MAP3K11: variants seen among roughly 807,000 people sequenced by gnomAD.
MAP3K11 encodes the protein SH3 domain-containing proline-rich kinase.
In MAP3K11, 46 loss-of-function variants were observed where a neutral mutation model predicts 84.9. The ratio of observed to expected loss-of-function variants is 0.54; its 90% CI spans 0.43 to 0.69. The LOEUF is 0.69. Among genes scored for constraint, MAP3K11 ranks in the 30% least tolerant of loss-of-function variants. The pLI is 0.00. For missense variants in MAP3K11, 1,053 were observed against 1,198.3 expected (o/e 0.88, Z 1.79); for synonymous variants, 527 against 514.7 (o/e 1.02, Z -0.32).
rs891816160 is a variant in MAP3K11 at position 65,606,718 on chromosome 11, T to A, written c.1576A>T (p.Thr526Ser). 1 of 1,601,312 alleles carries A rather than the reference T, an allele frequency of 6.2e-7. No individual in the cohort carries two copies. The highest frequency in any genetic ancestry group is 1.1e-5 in the South Asian group (1 of 88,522). The change falls in exon 6 of 10, where the codon ACC becomes TCC. Residue 526 changes from threonine (T) to serine (S), a missense_variant. This residue lies in a region of MAP3K11 where 583 missense variants were observed against 566.6 expected (regional missense o/e 1.03). Coordinates refer to ENST00000309100, the MANE Select transcript of MAP3K11 (RefSeq NM_002419.4). ...VFEVGPGDSP[T>S]FPRFRAIQLE... ...TGGATGGCTCGGAACCGGGGAAAGG[T>A]GGGCGAATCCCCAGGCCCGACCTCG...
chr11:65,606,076 G>C lies in MAP3K11; in HGVS notation c.1609C>G (p.Pro537Ala). ...FPRFRAIQLE[P>A]AEPGQAWGRQ... is the part of the protein sequence containing the mutation. Reference sequence around the variant, plus strand: ...CCCCATGCCTGGCCTGGCTCTGCAGGCTCCACTGCAGGGGAAACCGATGAA... The same window carrying C: ...CCCCATGCCTGGCCTGGCTCTGCAGCCTCCACTGCAGGGGAAACCGATGAA... The change falls in exon 7 of 10, where the codon CCT (proline) becomes GCT (alanine). Residue 537 changes from proline to alanine, a missense_variant. Pro to Ala is a conservative substitution (Grantham distance 27, BLOSUM62 -1). Around this residue, in one of 3 missense-constraint regions of MAP3K11, gnomAD observed 583 missense variants for 566.6 expected, o/e 1.03. Transcript: ENST00000309100. The C allele has an allele frequency of 6.4e-7, 1 of 1,572,814 alleles. No homozygotes were observed. The highest frequency in any genetic ancestry group is 8.6e-7 in the Non-Finnish European group (1 of 1,163,838).
intron 5 of MAP3K11, 42 bp from the exon 6 acceptor site, chr11:65,606,846 G>A (rs777013875): frequency 7.3e-7 from 1 of 1,367,538 alleles, no homozygotes. Context: ...GGTTTGTGAT[G>A]AAGTAGAGCC....
chr11:65,598,682 C>T, intron 9 of MAP3K11, 54 bp from the exon 10 acceptor site: 1 of 1,328,502 alleles, frequency 7.5e-7, no homozygotes, highest in Non-Finnish European at 1.0e-6. Context: ...TGCTGAGGTC[C>T]CCAAGACACT....
At chr11:65,611,385 C>G (rs1161537659) in intron 1 of MAP3K11, 6 of 152,266 alleles carry the variant, frequency 3.9e-5, no homozygotes, top group African/African-American at 1.2e-4. Context: ...CTGTGCCCCC[C>G]ACCAGCCCAG....
chr11:65,608,587 C>T, intron 1 of MAP3K11, 139 bp from the exon 2 acceptor site: 2 of 656,824 alleles, frequency 3.0e-6, no homozygotes, highest in Non-Finnish European at 2.7e-6. Flanking sequence ...ATCTTGAGGA[C>T]CTACTTGAGG....
At chr11:65,601,899 A>C (rs1854459809) in intron 8 of MAP3K11, among the ~76,000 whole-genome samples, 1 of 151,716 alleles carries the variant, frequency 6.6e-6, no homozygotes, top group South Asian at 2.1e-4. Flanking sequence ...AGGGGAAATC[A>C]TGTTTAAAAA....
chr11:65,607,561 C>T (rs764602712), intron 4 of MAP3K11, 48 bp from the exon 5 acceptor site: 41 of 1,546,550 alleles, frequency 2.7e-5, no homozygotes, highest in East Asian at 2.3e-4. Flanking sequence ...GCACCAATCC[C>T]GGCAGCGCCC....
In MAP3K11 at chr11:65,607,452, T is replaced by C; in HGVS notation, c.1307A>G (p.Glu436Gly). 6.5e-7 allele frequency: 1 copy of C among 1,540,042 alleles called. No homozygotes were observed. ...CAGGTGCTCGCGCCGCCGCAGCTGC[T>C]CCGCCTGTGACCGCTGCTCGCGCGC... ...RAAREQRSQA[E>G]QLRRREHLLA... Residue 436 changes from glutamate to glycine, a missense_variant, in exon 5 of 10, where the codon GAG (glutamate) becomes GGG (glycine). By Grantham distance (98) the Glu-to-Gly change is moderately conservative. Coordinates refer to ENST00000309100, the MANE Select transcript of MAP3K11 (RefSeq NM_002419.4).
chr11:65,612,841 G>T, intron 1 of MAP3K11, 177 bp downstream of exon 1: 1 of 568,546 alleles, frequency 1.8e-6, no homozygotes, highest in Non-Finnish European at 2.7e-6. Context: ...AGACTCTGCT[G>T]GGTGCCTGGG....
chr11:65,608,775 C>G (rs896087505), intron 1 of MAP3K11: 5 of 236,948 alleles, frequency 2.1e-5, no homozygotes, highest in Non-Finnish European at 2.5e-5. Context: ...TGCCACCACG[C>G]CCGACTAATT....
chr11:65,607,511 T>C lies in MAP3K11; in HGVS notation c.1248A>G (p.Glu416=). The change falls in exon 5 of 10, where the codon GAA becomes GAG. Residue 416 remains glutamate, a splice_region_variant and synonymous_variant. Transcript: ENST00000309100. Reference sequence around the variant, plus strand: ...TCAGCTCCTCCTCGCGGCTCAGTAGTTCCTGCGCCCGAGACAGCGATGGTG... The same window carrying C: ...TCAGCTCCTCCTCGCGGCTCAGTAGCTCCTGCGCCCGAGACAGCGATGGTG... ...LFDELRAKEK[E]LLSREEELTR... 1 of 1,567,052 alleles carries C rather than the reference T, an allele frequency of 6.4e-7. No individual in the cohort carries two copies. The highest frequency in any genetic ancestry group is 8.6e-7 in the Non-Finnish European group (1 of 1,164,100).
intron 8 of MAP3K11, 21 bp downstream of exon 8, chr11:65,605,740 C>A (rs774637486): frequency 3.8e-6 from 6 of 1,578,016 alleles, no homozygotes; most frequent in Non-Finnish European, 5.2e-6. Flanking sequence ...CAGATCCTGC[C>A]GGGGGAGGAA....
intron 5 of MAP3K11, chr11:65,607,059 C>T (rs999129644): frequency 3.7e-4 from 283 of 771,264 alleles, no homozygotes; most frequent in Non-Finnish European, 4.9e-4. Flanking sequence ...AACCCCACCC[C>T]TTCCCACTCC....
intron 5 of MAP3K11, 69 bp downstream of exon 5, chr11:65,607,201 C>CA: frequency 7.1e-7 from 1 of 1,411,438 alleles, no homozygotes; most frequent in South Asian, 1.5e-5. Flanking sequence ...GCGCGGTGAG[C>CA]ACACAGGCCT....
chr11:65,613,814 A>C lies in MAP3K11; in HGVS notation c.-58T>G, dbSNP rs1590860446. 2 of 1,453,248 alleles carry C rather than the reference A, an allele frequency of 1.4e-6. No individual in the cohort carries two copies. Among genetic ancestry groups the C allele is most frequent in the South Asian group, 1.4e-5 (1 of 70,674 alleles). The allele number at this position is 1,453,248 out of a possible 1,614,324, so 90.0% of individuals were successfully genotyped here. A position where few individuals can be genotyped will look rare whatever the true frequency, so the allele number is the denominator to read the frequency against. On this transcript the variant is annotated 5_prime_UTR_variant, in exon 1 of 10. Transcript: ENST00000309100. ...CCTTCTCTGGGTGCCCGTGGTCCCC[A>C]CCCCCGCTGGCTGCCAAGGCCCTAG...
chr11:65,607,046 G>T, intron 5 of MAP3K11: 1 of 705,236 alleles, frequency 1.4e-6, no homozygotes, highest in Non-Finnish European at 2.2e-6. Flanking sequence ...CAGAACTTTC[G>T]TGAACCCCAC....
intron 5 of MAP3K11, 73 bp from the exon 6 acceptor site, chr11:65,606,877 C>A (rs1854514725): frequency 2.1e-6 from 2 of 968,576 alleles, no homozygotes. Context: ...CCTGCAGGGG[C>A]CCAAGGCCAG....
intron 6 of MAP3K11, 46 bp from the exon 7 acceptor site, chr11:65,606,127 C>T (rs1285653942): frequency 1.3e-6 from 2 of 1,529,996 alleles, no homozygotes; most frequent in Middle Eastern, 1.7e-4. Context: ...TATTCTCCCT[C>T]CATCATCACA....
chr11:65,602,247 C>T (rs914428788), intron 8 of MAP3K11, among the ~76,000 whole-genome samples: 1 of 148,206 alleles, frequency 6.7e-6, no homozygotes, highest in African/African-American at 2.5e-5. Context: ...AGTGGTGGCT[C>T]AAGCCTATAA....
Sources: allele counts gnomAD v4.1 joint callset (sites outside exome capture counted in the v4.1 genomes callset), GRCh38; gene constraint gnomAD v4.1.1; regional missense constraint gnomAD v4.1.1; transcripts MANE v1.5; gene names NCBI Gene and HGNC (gene_info 2026-07-23, HGNC 2026-07-21).